Variants in WDFY2 observed in about 807,000 individuals in gnomAD.
WDFY2 encodes the protein WD repeat and FYVE domain containing 2.
A neutral mutation model predicts 56.4 loss-of-function variants in WDFY2; 36 were observed. The observed-to-expected ratio is 0.64, with a 90% CI of 0.49 to 0.84. WDFY2 has a LOEUF of 0.84. Among genes scored for constraint, WDFY2 ranks in the 40% least tolerant of loss-of-function variants. WDFY2 has a pLI of 0.00. For missense variants in WDFY2, 444 were observed against 512.2 expected (o/e 0.87, Z 1.29); for synonymous variants, 176 against 183.7 (o/e 0.96, Z 0.34).
intron 1 of WDFY2, among the ~76,000 whole-genome samples, chr13:51,606,249 G>A (rs1037908513): frequency 6.6e-6 from 1 of 152,214 alleles, no homozygotes; most frequent in African/African-American, 2.4e-5. Flanking sequence ...CAAAAATTTC[G>A]ATTTGATTTT....
chr13:51,748,386 G>A (rs1437759815), intron 7 of WDFY2, among the ~76,000 whole-genome samples: 1 of 152,150 alleles, frequency 6.6e-6, no homozygotes, highest in Non-Finnish European at 1.5e-5. Flanking sequence ...AGTAAACTTT[G>A]CCTTGCTGAG....
At chr13:51,701,948 A>G (rs1951993720) in intron 3 of WDFY2, among the ~76,000 whole-genome samples, 2 of 152,172 alleles carry the variant, frequency 1.3e-5, no homozygotes, top group Admixed American at 1.3e-4. Flanking sequence ...ATTGTTGCTT[A>G]GGCACCTCCC....
At chr13:51,653,403 G>A (rs572740445) in intron 1 of WDFY2, among the ~76,000 whole-genome samples, 6 of 152,258 alleles carry the variant, frequency 3.9e-5, no homozygotes, top group South Asian at 2.1e-4. Context: ...CTCTCAACTC[G>A]TCAAAGTCAT....
chr13:51,602,454 C>T (rs530389244), intron 1 of WDFY2, among the ~76,000 whole-genome samples: 20 of 152,322 alleles, frequency 1.3e-4, no homozygotes, highest in Admixed American at 1.2e-3. Flanking sequence ...TATAGATACA[C>T]TCTATGATGT....
intron 3 of WDFY2, among the ~76,000 whole-genome samples, chr13:51,684,072 ATTT>A (rs1466699501): frequency 6.6e-6 from 1 of 152,182 alleles, no homozygotes; most frequent in Non-Finnish European, 1.5e-5. Flanking sequence ...AATGTTTTAC[ATTT>A]TTATAAATAT....
chr13:51,652,980 G>T (rs950372627), intron 1 of WDFY2, among the ~76,000 whole-genome samples: 2 of 152,150 alleles, frequency 1.3e-5, no homozygotes, highest in Non-Finnish European at 2.9e-5. Flanking sequence ...AGTTCTCCTG[G>T]ATAATATCCT....
At chr13:51,658,823 G>A (rs916666680) in intron 1 of WDFY2, among the ~76,000 whole-genome samples, 1 of 152,004 alleles carries the variant, frequency 6.6e-6, no homozygotes, top group South Asian at 2.1e-4. Flanking sequence ...ACTGAATTTT[G>A]CATGTATATG....
At chr13:51,588,985 A>G (rs1953996027) in intron 1 of WDFY2, 1 of 152,256 alleles carries the variant, frequency 6.6e-6, no homozygotes, top group Non-Finnish European at 1.5e-5. Flanking sequence ...GCCTTTCTAT[A>G]TTCTGACTTT....
chr13:51,593,429 G>T (rs796086171), intron 1 of WDFY2, among the ~76,000 whole-genome samples: 103 of 152,048 alleles, frequency 6.8e-4, no homozygotes, highest in African/African-American at 2.2e-3. Flanking sequence ...TGAGTTTTTT[G>T]ATTATTTCTT....
chr13:51,680,630 A>G (rs1955960918), intron 3 of WDFY2, among the ~76,000 whole-genome samples: 1 of 152,210 alleles, frequency 6.6e-6, no homozygotes, highest in Non-Finnish European at 1.5e-5. Context: ...ATTTGGAAAC[A>G]GTTTTCTCAA....
chr13:51,632,394 T>G (rs970239001), intron 1 of WDFY2, among the ~76,000 whole-genome samples: 1 of 152,182 alleles, frequency 6.6e-6, no homozygotes, highest in Non-Finnish European at 1.5e-5. Context: ...TTATTTCTTC[T>G]GTTTTCTCTT....
chr13:51,693,948 T>C (rs1189913496), intron 3 of WDFY2, among the ~76,000 whole-genome samples: 1 of 151,626 alleles, frequency 6.6e-6, no homozygotes, highest in Non-Finnish European at 1.5e-5. Flanking sequence ...TGGCCTTCTT[T>C]GTCTCTTTTG....
At chr13:51,623,747 T>C (rs1165581381) in intron 1 of WDFY2, among the ~76,000 whole-genome samples, 1 of 152,216 alleles carries the variant, frequency 6.6e-6, no homozygotes, top group Non-Finnish European at 1.5e-5. Flanking sequence ...CAACTTTTTC[T>C]CATTCCCATA....
At position 51,614,728 on chromosome 13, in the gene WDFY2, C is replaced by T. The variant is rs377056292; in HGVS notation, c.137+29904C>T. Among the ~76,000 whole-genome samples the T allele has an allele frequency of 5.3e-5, 8 of 152,324 alleles. No individual in the cohort carries two copies. The South Asian group carries it at 1.4e-3, about 28-fold the overall frequency. On this transcript the variant is annotated intron_variant, in intron 1 of 11. Coordinates refer to ENST00000298125, the MANE Select transcript of WDFY2 (RefSeq NM_052950.4). ...ACCAAAACTGTGTCACATTGCCACC[C>T]GTAGCTGGAGACAAGGCTGGGAAAT...
rs917564642 is a variant in WDFY2, at chr13:51,759,481, G to C, written c.1174-259G>C. ...ATCTGCAGTGTAGCTTGTCTTCCCA[G>C]TCCTCTCAGCCATTAATAGATTGAA... On this transcript the variant is annotated intron_variant, in intron 11 of 11. Transcript: ENST00000298125. Among the ~76,000 whole-genome samples the C allele has an allele frequency of 2.6e-5, 4 of 152,268 alleles. No homozygotes were observed. In the South Asian group the frequency reaches 8.3e-4, roughly 32 times the overall value.
At chr13:51,674,467 A>T (rs1488897930) in intron 2 of WDFY2, among the ~76,000 whole-genome samples, 1 of 152,122 alleles carries the variant, frequency 6.6e-6, no homozygotes, top group African/African-American at 2.4e-5. Context: ...GCTCGGGTGT[A>T]CTCAGGCCGT....
chr13:51,683,167 A>G (rs1956006175), intron 3 of WDFY2, among the ~76,000 whole-genome samples: 1 of 152,138 alleles, frequency 6.6e-6, no homozygotes, highest in South Asian at 2.1e-4. Context: ...TGACTCCCTT[A>G]TTTTCGTGGA....
chr13:51,753,606 T>C (rs1208509872), intron 8 of WDFY2, among the ~76,000 whole-genome samples: 2 of 152,190 alleles, frequency 1.3e-5, no homozygotes, highest in Non-Finnish European at 2.9e-5. Context: ...TGTAAGACTT[T>C]TTTTTGAACA....
chr13:51,651,832 T>C (rs1593936115), intron 1 of WDFY2, among the ~76,000 whole-genome samples: 1 of 152,292 alleles, frequency 6.6e-6, no homozygotes, highest in East Asian at 1.9e-4. Context: ...ATGTGGTCAG[T>C]TTTGGAATAG....
Sources: gnomAD v4.1 joint callset for allele counts (sites outside exome capture counted in the v4.1 genomes callset) on GRCh38, gnomAD v4.1.1 for gene constraint, MANE v1.5 for transcripts, NCBI Gene and HGNC (gene_info 2026-07-23, HGNC 2026-07-21) for gene names.